The following PDCD7 variants were observed in gnomAD, a reference collection of about 807,000 sequenced individuals.
The protein encoded by PDCD7 is programmed cell death protein 7.
Under a neutral mutation model 42.1 loss-of-function variants are expected in PDCD7, and 40 were observed. The ratio of observed to expected loss-of-function variants is 0.95; its 90% CI spans 0.74 to 1.24. The LOEUF (loss-of-function observed/expected upper bound fraction) is 1.24. PDCD7 is among the 50% of genes most tolerant of loss of function. The pLI, the probability that PDCD7 is intolerant of heterozygous loss-of-function variation, is 0.00. For synonymous variants in PDCD7, 299 were observed against 303.3 expected (o/e 0.99, Z 0.15); for missense variants, 644 against 662.8 (o/e 0.97, Z 0.31).
rs1372043248 is a variant in PDCD7 at position 65,118,158 on chromosome 15, C to G, written c.*559G>C. On this transcript the variant is annotated 3_prime_UTR_variant, in exon 5 of 5. Transcript: ENST00000204549. ...CCACCATCTTTTCTGGCAACCCAGC[C>G]TACAGCCACTGCCATCTTCCTAACT... 1 of 152,234 alleles carries G rather than the reference C, an allele frequency of 6.6e-6. No individual in the cohort carries two copies. The highest frequency in any genetic ancestry group is 1.5e-5 in the Non-Finnish European group (1 of 68,040). 9.4% of individuals were successfully genotyped at this position (152,234 alleles called of 1,614,324 possible). A position where few individuals can be genotyped will look rare whatever the true frequency, so the allele number is the denominator to read the frequency against.
chr15:65,119,656 C>T (rs781065359), intron 3 of PDCD7, 62 bp downstream of exon 3: 8 of 1,528,138 alleles, frequency 5.2e-6, no homozygotes, highest in African/African-American at 1.4e-5. Flanking sequence ...TGAGATCACC[C>T]GTGATGAGAA....
intron 2 of PDCD7, among the ~76,000 whole-genome samples, chr15:65,127,153 T>C (rs1332164212): frequency 1.3e-5 from 2 of 152,136 alleles, no homozygotes; most frequent in African/African-American, 2.4e-5. Context: ...TTTGCCATCA[T>C]TTCACTTAAA....
rs1306372568 is a variant in PDCD7 at position 65,119,849 on chromosome 15, G to A, written c.1115C>T (p.Ala372Val). 8.1e-6 allele frequency: 13 copies of A among 1,613,570 alleles called. No homozygotes were observed. Among genetic ancestry groups the A allele is most frequent in the Non-Finnish European group, 1.1e-5 (13 of 1,179,846 alleles). Residue 372 changes from alanine to valine, a missense_variant, in exon 3 of 5, where the codon GCC becomes GTC. Ala to Val is a moderately conservative substitution (Grantham distance 64, BLOSUM62 0). Transcript: ENST00000204549. The stretch of plus-strand genomic sequence containing the variant: ...TTCTCCTTCTAGCATAACTCTGAGG[G>A]CTCTCTCTTCAGCTTCATACAGTTC... ...RSELYEAEER[A>V]LRVMLEGEQE...
At chr15:65,132,249 G>C (rs1285520744) in intron 1 of PDCD7, among the ~76,000 whole-genome samples, 8 of 150,906 alleles carry the variant, frequency 5.3e-5, no homozygotes, top group Admixed American at 4.6e-4. Flanking sequence ...GCTAATTAGA[G>C]TATATATATT....
intron 1 of PDCD7, among the ~76,000 whole-genome samples, chr15:65,131,565 A>G (rs192412503): frequency 6.6e-6 from 1 of 152,172 alleles, no homozygotes; most frequent in East Asian, 1.9e-4. Context: ...TCTGACCAAC[A>G]TGGAGAAACC....
Position 65,118,699 on chromosome 15 carries a change from A to G in PDCD7, c.*18T>C, listed in dbSNP as rs1299588037. The G allele has an allele frequency of 1.9e-6, 3 of 1,579,470 alleles. No individual in the cohort carries two copies. The African/African-American group carries it at 4.1e-5, about 22-fold the overall frequency. ...CTGGAAAGAGCGCTGGCTGGACCAC[A>G]CTCCTGGAGCATCTTTACTAATGCA... On this transcript the variant is annotated 3_prime_UTR_variant, in exon 5 of 5. Coordinates refer to ENST00000204549, the MANE Select transcript of PDCD7 (RefSeq NM_005707.2).
At chr15:65,132,786 T>G (rs2087551817) in intron 1 of PDCD7, 126 bp downstream of exon 1, 1 of 1,391,656 alleles carries the variant, frequency 7.2e-7, no homozygotes, top group African/African-American at 1.4e-5. Flanking sequence ...CTGGGAAGGT[T>G]AGCTATCGCT....
intron 1 of PDCD7, among the ~76,000 whole-genome samples, chr15:65,130,556 C>G (rs1027833145): frequency 4.6e-5 from 7 of 152,180 alleles, no homozygotes; most frequent in Non-Finnish European, 1.0e-4. Context: ...CCCCATCTGT[C>G]AAATAAGTGC....
At chr15:65,123,715 G>A (rs2087474736) in intron 2 of PDCD7, among the ~76,000 whole-genome samples, 1 of 152,164 alleles carries the variant, frequency 6.6e-6, no homozygotes. Flanking sequence ...TTCTCTAGAT[G>A]ATTTTCTCCT....
At chr15:65,127,783 T>C (rs2087508879) in intron 2 of PDCD7, among the ~76,000 whole-genome samples, 1 of 152,208 alleles carries the variant, frequency 6.6e-6, no homozygotes, top group African/African-American at 2.4e-5. Context: ...AAGATTAATA[T>C]TGGGAAATGC....
In PDCD7 at chr15:65,133,140, C is replaced by T. The variant is rs1278824150; in HGVS notation, c.642G>A (p.Pro214=). Residue 214 remains proline, a synonymous_variant, in exon 1 of 5, where the codon CCG becomes CCA. Coordinates refer to ENST00000204549, the MANE Select transcript of PDCD7 (RefSeq NM_005707.2). ...GCCGCTCGGCCAGTTCCGCGCGCAGCGGCGCGGTCTGGGAGTACAGCAGGA... is the reference window on the plus strand; with the variant it reads ...GCCGCTCGGCCAGTTCCGCGCGCAGTGGCGCGGTCTGGGAGTACAGCAGGA... ...AWVLLYSQTA[P]LRAELAERLQ... 10 of 1,534,196 alleles carry T rather than the reference C, an allele frequency of 6.5e-6. No individual in the cohort carries two copies. The highest frequency in any genetic ancestry group is 5.9e-5 in the Admixed American group (3 of 51,090).
At position 65,128,878 on chromosome 15, in the gene PDCD7, A is replaced by C. The variant is rs150075075; in HGVS notation, c.1009+154T>G. ...AACATCTTCTGAGGCTTCCTGCTTC[A>C]GAAGTTCTGACCTACTTGCTGACAA... is the stretch of plus-strand genomic sequence containing the variant. On this transcript the variant is annotated intron_variant, in intron 2 of 4. Transcript: ENST00000204549. 3.8e-3 allele frequency among the ~76,000 whole-genome samples: 585 copies of C among 152,350 alleles called. 2 individuals are homozygous for C. Among genetic ancestry groups the C allele is most frequent in the Admixed American group, 9.9e-3 (152 of 15,306 alleles).
intron 1 of PDCD7, 56 bp downstream of exon 1, chr15:65,132,856 T>G: frequency 6.3e-7 from 1 of 1,589,510 alleles, no homozygotes; most frequent in African/African-American, 1.3e-5. Context: ...AGCCTCCTGC[T>G]GCTCCAGGTT....
chr15:65,123,620 TA>T (rs763844502), intron 2 of PDCD7, among the ~76,000 whole-genome samples: 11 of 152,234 alleles, frequency 7.2e-5, no homozygotes, highest in Non-Finnish European at 1.3e-4. Flanking sequence ...CTGTTTCTTG[TA>T]AAGTTGTAAT....
At chr15:65,127,617 A>G (rs1166967055) in intron 2 of PDCD7, among the ~76,000 whole-genome samples, 1 of 152,224 alleles carries the variant, frequency 6.6e-6, no homozygotes, top group African/African-American at 2.4e-5. Flanking sequence ...ACACATCTTG[A>G]AGAGAGAAGT....
intron 2 of PDCD7, among the ~76,000 whole-genome samples, chr15:65,126,533 C>T (rs945490373): frequency 2.6e-5 from 4 of 152,084 alleles, no homozygotes; most frequent in African/African-American, 9.7e-5. Context: ...ATGGGAGAAT[C>T]GCTTGAGCCC....
Position 65,119,435 on chromosome 15 carries a change from C to A in PDCD7, c.1275G>T (p.Glu425Asp). The A allele has an allele frequency of 6.2e-7, 1 of 1,613,852 alleles. No homozygotes were observed. The highest frequency in any genetic ancestry group is 2.2e-5 in the East Asian group (1 of 44,882). The part of the protein sequence containing the change: ...PDEFPLAHLL[E>D]PFRQYYLQAE... ...CTTGGAGATAATACTGTCGGAAAGGCTCCAAGAGGTGAGCAAGTGGGAACT... is the reference window on the plus strand; with the variant it reads ...CTTGGAGATAATACTGTCGGAAAGGATCCAAGAGGTGAGCAAGTGGGAACT... Residue 425 changes from glutamate (E) to aspartate (D), a missense_variant, in exon 4 of 5, where the codon GAG becomes GAT. By Grantham distance (45) the Glu-to-Asp change is conservative (BLOSUM62 2). Coordinates refer to ENST00000204549, the MANE Select transcript of PDCD7 (RefSeq NM_005707.2).
Position 65,133,499 on chromosome 15 carries a change from A to C in PDCD7, c.283T>G (p.Cys95Gly). 2 of 1,225,274 alleles carry C rather than the reference A, an allele frequency of 1.6e-6. No homozygotes were observed. The highest frequency in any genetic ancestry group is 2.0e-6 in the Non-Finnish European group (2 of 983,982). 75.9% of individuals were successfully genotyped at this position (1,225,274 alleles called of 1,614,324 possible). ...GCGTCGGTCCCCGGGAAGGGCCGAC[A>C]CTGGGGCGGCGGAGGAGGCAGCGGC... The part of the protein sequence containing the change: ...PPPLPPPPPQ[C>G]RPFPGTDAGE... Residue 95 changes from cysteine to glycine, a missense_variant, in exon 1 of 5, where the codon TGT becomes GGT. By Grantham distance (159) the Cys-to-Gly change is radical. Coordinates refer to ENST00000204549, the MANE Select transcript of PDCD7 (RefSeq NM_005707.2).
rs1445532257 is a variant in PDCD7, at chr15:65,133,395, C to G, written c.387G>C (p.Pro129=). ...SPRWPEAPPP[P]ADVLGDAALQ... is the part of the protein sequence containing the mutation. Reference sequence around the variant, plus strand: ...GGGCCGCATCCCCGAGCACGTCGGCCGGCGGCGGCGGCGCCTCAGGCCACC... The same window carrying G: ...GGGCCGCATCCCCGAGCACGTCGGCGGGCGGCGGCGGCGCCTCAGGCCACC... The change falls in exon 1 of 5, where the codon CCG becomes CCC. Residue 129 remains proline, a synonymous_variant. Coordinates refer to ENST00000204549, the MANE Select transcript of PDCD7 (RefSeq NM_005707.2). The G allele has an allele frequency of 1.4e-5, 17 of 1,184,992 alleles. No individual in the cohort carries two copies. The highest frequency in any genetic ancestry group is 3.2e-5 in the African/African-American group (2 of 62,218). 73.4% of individuals were successfully genotyped at this position (1,184,992 alleles called of 1,614,324 possible).
Sources: allele counts gnomAD v4.1 joint callset (sites outside exome capture counted in the v4.1 genomes callset), GRCh38; gene constraint gnomAD v4.1.1; transcripts MANE v1.5; gene names NCBI Gene and HGNC (gene_info 2026-07-23, HGNC 2026-07-21).